SLC35A3: variants seen among roughly 807,000 people sequenced by gnomAD.
The protein encoded by SLC35A3 is UDP-N-acetylglucosamine transporter.
A neutral mutation model predicts 39.0 loss-of-function variants in SLC35A3; 26 were observed. The observed-to-expected ratio is 0.67, with a 90% CI of 0.49 to 0.92. The LOEUF is 0.92. Among genes scored for constraint, SLC35A3 ranks in the 40% least tolerant of loss-of-function variants. The pLI is 0.00. For missense variants in SLC35A3, 299 were observed against 371.6 expected, an observed-to-expected ratio of 0.80 and a Z score of 1.61; for synonymous variants, 135 against 133.1, an observed-to-expected ratio of 1.01 and a Z score of -0.10.
In SLC35A3 at chr1:100,032,713, T is replaced by C. The variant is rs935141595; in HGVS notation, c.*10237T>C. ...GGTGCCTGCCACCGCGCCTGGCTAATTTTTTGTATTTTTAGTAGAGATGGG... is the reference window on the plus strand; with the variant it reads ...GGTGCCTGCCACCGCGCCTGGCTAACTTTTTGTATTTTTAGTAGAGATGGG... On this transcript the variant is annotated 3_prime_UTR_variant, in exon 8 of 8. Coordinates refer to ENST00000533028, the MANE Select transcript of SLC35A3 (RefSeq NM_012243.3). 1 of 152,208 alleles carries C rather than the reference T, an allele frequency of 6.6e-6. No homozygotes were observed. Among genetic ancestry groups the C allele is most frequent in the Non-Finnish European group, 1.5e-5 (1 of 68,070 alleles). 9.4% of individuals were successfully genotyped at this position (152,208 alleles called of 1,614,324 possible).
intron 4 of SLC35A3, chr1:100,008,861 C>A (rs1052546769): frequency 2.6e-5 from 4 of 152,164 alleles, no homozygotes; most frequent in African/African-American, 9.7e-5. Flanking sequence ...TTTACACTTA[C>A]AACTTAAGTT....
rs1661450211 is a variant in SLC35A3 at position 100,035,495 on chromosome 1, T to A, written c.*13019T>A. The stretch of plus-strand genomic sequence containing the variant: ...TGTTAAATTTCTCTTACTACATTAT[T>A]TCCAACAGTATTTACTGCAATCTGC... On this transcript the variant is annotated 3_prime_UTR_variant, in exon 8 of 8. Transcript: ENST00000533028. 6.6e-6 allele frequency: 1 copy of A among 152,214 alleles called. No individual in the cohort carries two copies. Among genetic ancestry groups the A allele is most frequent in the Non-Finnish European group, 1.5e-5 (1 of 68,036 alleles). The allele number at this position is 152,214 out of a possible 1,614,324, so 9.4% of individuals were successfully genotyped here.
At chr1:99,995,472 C>T (rs934126778) in intron 2 of SLC35A3, among the ~76,000 whole-genome samples, 3 of 151,838 alleles carry the variant, frequency 2.0e-5, no homozygotes, top group Admixed American at 1.3e-4. Flanking sequence ...TATTTTCTTT[C>T]GAACTACATC....
At chr1:99,984,917 A>G (rs1380535010) in intron 1 of SLC35A3, among the ~76,000 whole-genome samples, 1 of 151,928 alleles carries the variant, frequency 6.6e-6, no homozygotes, top group African/African-American at 2.4e-5. Flanking sequence ...CCTTAGCCCA[A>G]TTTTGGATGG....
chr1:99,975,074 G>A (rs1657037846), intron 1 of SLC35A3: 1 of 152,022 alleles, frequency 6.6e-6, no homozygotes, highest in East Asian at 1.9e-4. Flanking sequence ...TCCCAAGTAG[G>A]TGGAACTACT....
At position 100,032,088 on chromosome 1, in the gene SLC35A3, C is replaced by T. The variant is rs1336060543; in HGVS notation, c.*9612C>T. 6.6e-6 allele frequency: 1 copy of T among 150,466 alleles called. No homozygotes were observed. Among genetic ancestry groups the T allele is most frequent in the Non-Finnish European group, 1.5e-5 (1 of 67,900 alleles). The allele number at this position is 150,466 out of a possible 1,614,324, so 9.3% of individuals were successfully genotyped here. ...TTTTATATTGTATCATATTAAAAGG[C>T]ACAGATAATCTCATTATTAATGTTG... On this transcript the variant is annotated 3_prime_UTR_variant, in exon 8 of 8. Coordinates refer to ENST00000533028, the MANE Select transcript of SLC35A3 (RefSeq NM_012243.3).
chr1:100,005,237 C>T (rs1270354890), intron 3 of SLC35A3, among the ~76,000 whole-genome samples: 3 of 152,202 alleles, frequency 2.0e-5, no homozygotes, highest in South Asian at 2.1e-4. Flanking sequence ...TTGTCTCTTG[C>T]TGTTTTTAGG....
chr1:100,005,077 A>C (rs1659123166), intron 3 of SLC35A3, among the ~76,000 whole-genome samples: 1 of 152,174 alleles, frequency 6.6e-6, no homozygotes, highest in Non-Finnish European at 1.5e-5. Context: ...TTTTAACAAT[A>C]GTTTCACTGC....
intron 1 of SLC35A3, among the ~76,000 whole-genome samples, chr1:99,981,749 G>A (rs1404605109): frequency 6.6e-6 from 1 of 152,060 alleles, no homozygotes; most frequent in Non-Finnish European, 1.5e-5. Flanking sequence ...CCAAAGTGCT[G>A]GGATTACAGA....
chr1:100,003,908 A>G (rs553715457), intron 3 of SLC35A3, among the ~76,000 whole-genome samples: 1 of 152,260 alleles, frequency 6.6e-6, no homozygotes, highest in South Asian at 2.1e-4. Flanking sequence ...TTTTTGACCT[A>G]AAGTCTATTT....
chr1:99,995,960 T>C (rs1337983785), intron 2 of SLC35A3, among the ~76,000 whole-genome samples: 3 of 152,216 alleles, frequency 2.0e-5, no homozygotes, highest in Non-Finnish European at 4.4e-5. Context: ...TGAGCAGAAG[T>C]ATTCACTGCA....
rs1661368835 is a variant in SLC35A3 at position 100,033,704 on chromosome 1, G to A, written c.*11228G>A. On this transcript the variant is annotated 3_prime_UTR_variant, in exon 8 of 8. Coordinates refer to ENST00000533028, the MANE Select transcript of SLC35A3 (RefSeq NM_012243.3). ...CTTTGACTCTTATCTAATTGTCTAT[G>A]TGACCGTCAGTGAATATATTATCTG... 1 of 152,032 alleles carries A rather than the reference G, an allele frequency of 6.6e-6. No individual in the cohort carries two copies. Among genetic ancestry groups the A allele is most frequent in the Non-Finnish European group, 1.5e-5 (1 of 68,018 alleles). The allele number at this position is 152,032 out of a possible 1,614,324, so 9.4% of individuals were successfully genotyped here.
chr1:99,995,204 G>A (rs144515270), intron 2 of SLC35A3, among the ~76,000 whole-genome samples: 1,991 of 146,700 alleles, frequency 0.014, 20 homozygotes, highest in Middle Eastern at 0.061. Flanking sequence ...CTAGGCTGGA[G>A]TGCAGTGGCA....
chr1:99,994,029 T>C (rs1570588976), intron 2 of SLC35A3, among the ~76,000 whole-genome samples: 2 of 152,234 alleles, frequency 1.3e-5, no homozygotes, highest in South Asian at 4.1e-4. Context: ...GTTAGAACTC[T>C]AGAAGAATCA....
Position 100,015,020 on chromosome 1 carries a change from T to C in SLC35A3, c.635-282T>C, listed in dbSNP as rs1659964211. Among the ~76,000 whole-genome samples the C allele has an allele frequency of 2.0e-5, 3 of 151,966 alleles. No individual in the cohort carries two copies. The South Asian group carries it at 6.2e-4, about 32-fold the overall frequency. On this transcript the variant is annotated intron_variant, in intron 5 of 7. Coordinates refer to ENST00000533028, the MANE Select transcript of SLC35A3 (RefSeq NM_012243.3). ...AAAAATACAAAAAATTAGCTGGGCG[T>C]GGTGGCACGCGCCTGTAGTCCCAGC...
chr1:100,006,354 C>T (rs1314579872), intron 3 of SLC35A3, among the ~76,000 whole-genome samples: 1 of 152,070 alleles, frequency 6.6e-6, no homozygotes, highest in East Asian at 1.9e-4. Flanking sequence ...TAGCAGTGGG[C>T]TGGGCAGGTA....
At chr1:99,991,363 C>T (rs915962887) in intron 1 of SLC35A3, among the ~76,000 whole-genome samples, 2 of 152,154 alleles carry the variant, frequency 1.3e-5, no homozygotes, top group Admixed American at 1.3e-4. Context: ...CCAGGCTGGT[C>T]TTGAACTCCT....
At position 100,026,833 on chromosome 1, in the gene SLC35A3, G is replaced by T. The variant is rs1220992464; in HGVS notation, c.*4357G>T. Reference sequence around the variant, plus strand: ...AATTTGTATATTTAAATTTTTTATGGACATAATTCAAAGGAATGTATAAAT... The same window carrying T: ...AATTTGTATATTTAAATTTTTTATGTACATAATTCAAAGGAATGTATAAAT... On this transcript the variant is annotated 3_prime_UTR_variant, in exon 8 of 8. Transcript: ENST00000533028. 1 of 193,862 alleles carries T rather than the reference G, an allele frequency of 5.2e-6. No individual in the cohort carries two copies. The highest frequency in any genetic ancestry group is 1.2e-4 in the East Asian group (1 of 8,636). 12.0% of individuals were successfully genotyped at this position (193,862 alleles called of 1,614,324 possible).
intron 1 of SLC35A3, among the ~76,000 whole-genome samples, chr1:99,982,619 G>A (rs1418121684): frequency 4.6e-5 from 7 of 152,204 alleles, no homozygotes; most frequent in South Asian, 4.1e-4. Flanking sequence ...AGATTTTAGT[G>A]TGTTTGAAAA....
Sources: allele counts gnomAD v4.1 joint callset (sites outside exome capture counted in the v4.1 genomes callset), GRCh38; gene constraint gnomAD v4.1.1; transcripts MANE v1.5; gene names NCBI Gene and HGNC (gene_info 2026-07-23, HGNC 2026-07-21).